The following PAPOLG variants were observed in gnomAD, a reference collection of about 807,000 sequenced individuals.
PAPOLG encodes poly(A) polymerase gamma, also known as PAP-gamma.
PAPOLG carries 40 observed loss-of-function variants against 99.0 expected under a neutral mutation model. The ratio of observed to expected loss-of-function variants is 0.40; its 90% CI spans 0.31 to 0.53. The LOEUF (loss-of-function observed/expected upper bound fraction) is 0.53. PAPOLG is among the 20% of genes least tolerant of loss of function. The probability of loss-of-function intolerance (pLI) is 0.41; values close to 1 mark genes in which losing one functional copy is unlikely to be tolerated. For missense variants in PAPOLG, 675 were observed against 884.1 expected (o/e 0.76, Z 3.00); for synonymous variants, 310 against 299.3 (o/e 1.04, Z -0.37).
chr2:60,794,454 T>G lies in PAPOLG; in HGVS notation c.1990-256T>G, dbSNP rs551412803. The G allele has an allele frequency of 9.1e-5, 52 of 569,182 alleles. No homozygotes were observed. The African/African-American group carries it at 9.4e-4, about 10-fold the overall frequency. The allele number at this position is 569,182 out of a possible 1,614,324, so 35.3% of individuals were successfully genotyped here. A position where few individuals can be genotyped will look rare whatever the true frequency, so the allele number is the denominator to read the frequency against. On this transcript the variant is annotated intron_variant, in intron 19 of 21. Coordinates refer to ENST00000238714, the MANE Select transcript of PAPOLG (RefSeq NM_022894.4). ...AAATCTCATTTCTTGTGTGTTGATA[T>G]GCCCTGCTTCCAGTAGGTGGTGGTA...
intron 8 of PAPOLG, among the ~76,000 whole-genome samples, chr2:60,778,221 A>T (rs1671079390): frequency 6.6e-6 from 1 of 152,174 alleles, no homozygotes; most frequent in African/African-American, 2.4e-5. Context: ...ATTATAGCTC[A>T]CTGCAGCCTC....
intron 15 of PAPOLG, among the ~76,000 whole-genome samples, chr2:60,788,992 C>T (rs1671450705): frequency 6.6e-6 from 1 of 152,084 alleles, no homozygotes; most frequent in African/African-American, 2.4e-5. Flanking sequence ...AGATACTATG[C>T]AGCCATAAAA....
At chr2:60,774,430 AT>A (rs1670952134) in intron 7 of PAPOLG, among the ~76,000 whole-genome samples, 1 of 148,866 alleles carries the variant, frequency 6.7e-6, no homozygotes, top group Non-Finnish European at 1.5e-5. Context: ...CAGTGGCGTG[AT>A]CTCAGCTCAC....
chr2:60,795,411 T>C (rs1243355989), intron 21 of PAPOLG: 1 of 390,140 alleles, frequency 2.6e-6, no homozygotes, highest in Non-Finnish European at 5.0e-6. Flanking sequence ...GTATTAATAT[T>C]TTAGAGGAAC....
chr2:60,779,628 A>C lies in PAPOLG; in HGVS notation c.695-9A>C. ...CTAATAATAATTAACAAATATATTG[A>C]TTTTCTAGGACGTGGTATTTATTCC... On this transcript the variant is annotated splice_polypyrimidine_tract_variant and intron_variant, in intron 8 of 21. Coordinates refer to ENST00000238714, the MANE Select transcript of PAPOLG (RefSeq NM_022894.4). 6.2e-7 allele frequency: 1 copy of C among 1,600,082 alleles called. No individual in the cohort carries two copies.
chr2:60,767,075 G>A (rs909553464), intron 3 of PAPOLG, among the ~76,000 whole-genome samples: 2 of 152,200 alleles, frequency 1.3e-5, no homozygotes, highest in Non-Finnish European at 2.9e-5. Context: ...AATTAGGGGA[G>A]TAGTCGTTGA....
At chr2:60,780,230 C>T (rs546857372) in intron 9 of PAPOLG, among the ~76,000 whole-genome samples, 6 of 151,010 alleles carry the variant, frequency 4.0e-5, no homozygotes, top group African/African-American at 1.2e-4. Context: ...TCAGAGAACA[C>T]TGCATTAAAA....
At chr2:60,793,785 C>G in intron 18 of PAPOLG, 70 bp downstream of exon 18, 2 of 1,529,380 alleles carry the variant, frequency 1.3e-6, no homozygotes, top group South Asian at 1.2e-5. Flanking sequence ...GTGGCACACG[C>G]CTGTAGTCCT....
Position 60,771,588 on chromosome 2 carries a change from C to A in PAPOLG, c.562C>A (p.Arg188Ser). Residue 188 changes from arginine to serine, a missense_variant, in exon 7 of 22, where the codon CGC becomes AGC. Coordinates refer to ENST00000238714, the MANE Select transcript of PAPOLG (RefSeq NM_022894.4). The stretch of plus-strand genomic sequence containing the variant: ...TAATTTAGATCTAAGAGACGACTCT[C>A]GCCTGAGAAGCCTTGATATAAGGTG... ...SDNLDLRDDSRLRSLDIRCIR... is the reference protein window; with the variant it reads ...SDNLDLRDDSSLRSLDIRCIR... 1 of 1,608,376 alleles carries A rather than the reference C, an allele frequency of 6.2e-7. No individual in the cohort carries two copies. The highest frequency in any genetic ancestry group is 1.1e-5 in the South Asian group (1 of 90,036).
chr2:60,768,242 C>T (rs1670743803), intron 3 of PAPOLG, among the ~76,000 whole-genome samples: 1 of 152,180 alleles, frequency 6.6e-6, no homozygotes, highest in Admixed American at 6.5e-5. Context: ...GCTGGGATTA[C>T]AGGTGGCCAC....
chr2:60,796,386 G>T (rs985593292), intron 21 of PAPOLG, among the ~76,000 whole-genome samples: 5 of 151,774 alleles, frequency 3.3e-5, no homozygotes, highest in Admixed American at 6.6e-5. Context: ...TGATTCGCCC[G>T]CCTTGGCCTC....
intron 13 of PAPOLG, among the ~76,000 whole-genome samples, chr2:60,784,731 T>C (rs1671304849): frequency 6.6e-6 from 1 of 152,230 alleles, no homozygotes; most frequent in Non-Finnish European, 1.5e-5. Context: ...AAAGTTTTAT[T>C]GGAACATAGC....
rs533122310 is a variant in PAPOLG at position 60,764,437 on chromosome 2, G to A, written c.246+2630G>A. On this transcript the variant is annotated intron_variant, in intron 3 of 21. Transcript: ENST00000238714. The stretch of plus-strand genomic sequence containing the variant: ...TGCAGATTTTTTTTTTTTTTTTGGC[G>A]ATGGGCTCTTACTCTGTCACCCGGG... 1.1e-4 allele frequency among the ~76,000 whole-genome samples: 17 copies of A among 147,862 alleles called. No individual in the cohort carries two copies. The South Asian group carries it at 3.0e-3, about 26-fold the overall frequency.
chr2:60,763,309 T>G (rs1261852373), intron 3 of PAPOLG, among the ~76,000 whole-genome samples: 1 of 151,946 alleles, frequency 6.6e-6, no homozygotes, highest in Non-Finnish European at 1.5e-5. Context: ...CTCAAACTCC[T>G]GGTCTCCAGC....
Position 60,781,867 on chromosome 2 carries a change from C to T in PAPOLG, c.907-18C>T, listed in dbSNP as rs1423760555. On this transcript the variant is annotated intron_variant, in intron 10 of 21. Coordinates refer to ENST00000238714, the MANE Select transcript of PAPOLG (RefSeq NM_022894.4). ...GAAATAGGAGAATAGATCAGTTATT[C>T]TGCTTCTAATTTCACAGGTAAATCC... The T allele has an allele frequency of 3.1e-6, 5 of 1,613,616 alleles. No homozygotes were observed. The highest frequency in any genetic ancestry group is 4.2e-6 in the Non-Finnish European group (5 of 1,179,748).
intron 3 of PAPOLG, among the ~76,000 whole-genome samples, chr2:60,765,391 T>C (rs1051563070): frequency 5.2e-5 from 3 of 57,206 alleles, no homozygotes; most frequent in Non-Finnish European, 1.3e-4. Flanking sequence ...TATAATTCTC[T>C]TTTTTTTTTT....
chr2:60,783,246 G>A (rs769546819), intron 13 of PAPOLG, 37 bp downstream of exon 13: 5 of 1,331,702 alleles, frequency 3.8e-6, no homozygotes, highest in East Asian at 4.9e-5. Context: ...CCTACTGTGT[G>A]GTGATAGTAA....
chr2:60,783,230 T>G (rs748542808), intron 13 of PAPOLG, 21 bp downstream of exon 13: 6 of 1,484,914 alleles, frequency 4.0e-6, no homozygotes, highest in Non-Finnish European at 5.5e-6. Context: ...TATTTCAAGT[T>G]TTCTACCTAC....
intron 5 of PAPOLG, among the ~76,000 whole-genome samples, chr2:60,769,962 C>G (rs1475876573): frequency 3.4e-5 from 5 of 147,474 alleles, no homozygotes; most frequent in Non-Finnish European, 5.9e-5. Flanking sequence ...ATGTTTCTCT[C>G]CCTGTGTCCA....
Sources: gnomAD v4.1 joint callset for allele counts (sites outside exome capture counted in the v4.1 genomes callset) on GRCh38, gnomAD v4.1.1 for gene constraint, MANE v1.5 for transcripts, NCBI Gene and HGNC (gene_info 2026-07-23, HGNC 2026-07-21) for gene names.